SGSH: variants seen among roughly 807,000 people sequenced by gnomAD.
SGSH encodes N-sulfoglucosamine sulfohydrolase, also known as heparan sulfate sulfatase.
SGSH carries 48 observed loss-of-function variants against 51.0 expected under a neutral mutation model. The observed-to-expected ratio is 0.94, with a 90% CI of 0.75 to 1.20. The LOEUF (loss-of-function observed/expected upper bound fraction) is 1.20, where lower values mean the gene tolerates loss of function less well. SGSH is among the 50% of genes most tolerant of loss of function. The pLI is 0.00. For synonymous variants in SGSH, 321 were observed against 313.4 expected, an observed-to-expected ratio of 1.02 and a Z score of -0.26; for missense variants, 662 against 717.8, an observed-to-expected ratio of 0.92 and a Z score of 0.89.
In SGSH at chr17:80,213,699, A is replaced by G; in HGVS notation, c.745+105T>C. 1 of 1,019,296 alleles carries G rather than the reference A, an allele frequency of 9.8e-7. No individual in the cohort carries two copies. Among genetic ancestry groups the G allele is most frequent in the Non-Finnish European group, 1.5e-6 (1 of 678,588 alleles). The allele number at this position is 1,019,296 out of a possible 1,614,324, so 63.1% of individuals were successfully genotyped here. On this transcript the variant is annotated intron_variant, in intron 6 of 7. Transcript: ENST00000326317. The surrounding 1 kb of genome is among the most constrained non-coding windows in gnomAD (Gnocchi z 4.6). The stretch of plus-strand genomic sequence containing the variant: ...CCAGCTGCAGCACAGGGCCTGCCAC[A>G]CTGGGACCCTCACCCACATTATGCC...
At chr17:80,215,588 A>G (rs1026997952) in intron 2 of SGSH, among the ~76,000 whole-genome samples, 2 of 152,198 alleles carry the variant, frequency 1.3e-5, no homozygotes, top group Non-Finnish European at 2.9e-5. Context: ...TGGGAGGCCA[A>G]CGCAGGTGGA....
At chr17:80,201,455 TTTTC>T in the SGSH span, 1 of 408,014 alleles carries the variant, frequency 2.5e-6, no homozygotes, top group Non-Finnish European at 4.5e-6. This position sits in a 1 kb window ranked among gnomAD's most constrained non-coding sequence, Gnocchi z 5.0. Flanking sequence ...TTTTCTTTTC[TTTTC>T]TTTTTCAAGA....
downstream of SGSH, chr17:80,202,739 T>A: frequency 1.8e-6 from 1 of 542,718 alleles, no homozygotes; most frequent in Non-Finnish European, 2.7e-6. Flanking sequence ...CTGCAGGATA[T>A]AGAGCAGCAT....
At chr17:80,204,260 A>T (rs754681974), downstream of SGSH, 9 of 1,598,344 alleles carry the variant, frequency 5.6e-6, no homozygotes, top group African/African-American at 1.3e-5. Flanking sequence ...GCTGGTCCGC[A>T]TCGTCAGTAT....
chr17:80,220,162 G>A lies in SGSH; in HGVS notation c.88+64C>T, dbSNP rs1312287552. On this transcript the variant is annotated intron_variant, in intron 1 of 7. Transcript: ENST00000326317. ...GTCAGCATTGACCACGGGTGGGGAG[G>A]AGGCCAGTGGCCACTTCCCCGGGCC... The A allele has an allele frequency of 5.7e-6, 7 of 1,230,516 alleles. No homozygotes were observed. The East Asian group carries it at 1.6e-4, about 29-fold the overall frequency. The allele number at this position is 1,230,516 out of a possible 1,614,324, so 76.2% of individuals were successfully genotyped here.
downstream of SGSH, chr17:80,201,970 C>T: frequency 1.4e-6 from 2 of 1,456,134 alleles, no homozygotes; most frequent in South Asian, 2.7e-5. The surrounding 1 kb of genome is among the most constrained non-coding windows in gnomAD (Gnocchi z 5.0). Context: ...CCAGGGACCC[C>T]CAGAGCCAAG....
At chr17:80,206,936 A>T (rs1360360481), downstream of SGSH, 3 of 1,532,032 alleles carry the variant, frequency 2.0e-6, no homozygotes, top group Admixed American at 5.1e-5. Context: ...GAGGCCTGTG[A>T]TCTTGACTCA....
chr17:80,205,186 G>A (rs1464600126), downstream of SGSH: 1 of 1,613,128 alleles, frequency 6.2e-7, no homozygotes, highest in Admixed American at 1.7e-5. Flanking sequence ...TCCTCCAAGG[G>A]TTTAAGAAGT....
intron 5 of SGSH, 34 bp downstream of exon 5, chr17:80,214,138 C>T (rs781436148): frequency 1.7e-5 from 27 of 1,587,608 alleles, no homozygotes; most frequent in African/African-American, 1.3e-4. Context: ...CCAGGGCTGA[C>T]GGGCGTCCTG....
At chr17:80,214,906 T>C in intron 3 of SGSH, 127 bp downstream of exon 3, 1 of 1,307,228 alleles carries the variant, frequency 7.6e-7, no homozygotes, top group Non-Finnish European at 1.1e-6. Flanking sequence ...CCCAGATCCT[T>C]TGGGACAAGA....
downstream of SGSH, chr17:80,208,562 A>C: frequency 2.0e-6 from 1 of 496,820 alleles, no homozygotes; most frequent in Non-Finnish European, 3.5e-6. Context: ...AAACATCTTC[A>C]CCCTTTACCA....
chr17:80,217,724 G>A (rs1567929472), intron 1 of SGSH, among the ~76,000 whole-genome samples: 1 of 152,044 alleles, frequency 6.6e-6, no homozygotes, highest in Non-Finnish European at 1.5e-5. Flanking sequence ...ACCCAGGCAG[G>A]CCTGATACCA....
chr17:80,209,247 T>C, downstream of SGSH: 1 of 895,262 alleles, frequency 1.1e-6, no homozygotes, highest in Non-Finnish European at 1.3e-6. Context: ...AGGAAGCTGT[T>C]CTAGAATTCA....
At chr17:80,207,995 G>T (rs1395974944), downstream of SGSH, 1 of 564,302 alleles carries the variant, frequency 1.8e-6, no homozygotes, top group East Asian at 2.9e-5. Flanking sequence ...TGGGGCCTGG[G>T]GCCTATTTTC....
At chr17:80,202,369 C>G (rs772887668), downstream of SGSH, 1 of 1,613,406 alleles carries the variant, frequency 6.2e-7, no homozygotes, top group Non-Finnish European at 8.5e-7. Context: ...CGCGTGAACT[C>G]TTACACCATG....
intron 7 of SGSH, 191 bp from the exon 8 acceptor site, chr17:80,211,202 C>A: frequency 6.9e-7 from 1 of 1,446,362 alleles, no homozygotes; most frequent in East Asian, 2.5e-5. Context: ...AATGGTATAA[C>A]AAGAGGCCCT....
At chr17:80,209,161 C>T (rs2041519008), downstream of SGSH, 1 of 314,680 alleles carries the variant, frequency 3.2e-6, no homozygotes, top group African/African-American at 2.2e-5. Context: ...CCCAGGTCCG[C>T]CAGCACCTGG....
chr17:80,203,647 G>A, downstream of SGSH: 1 of 546,326 alleles, frequency 1.8e-6, no homozygotes, highest in Non-Finnish European at 3.3e-6. This position sits in a 1 kb window ranked among gnomAD's most constrained non-coding sequence, Gnocchi z 4.6. Context: ...TCTGGAGACT[G>A]GCATGGCCGC....
Position 80,214,732 on chromosome 17 carries a change from G to A in SGSH, c.389C>T (p.Thr130Ile), listed in dbSNP as rs1159005316. The A allele has an allele frequency of 1.9e-6, 3 of 1,612,822 alleles. No individual in the cohort carries two copies. The highest frequency in any genetic ancestry group is 2.5e-6 in the Non-Finnish European group (3 of 1,180,002). The change falls in exon 4 of 8, where the codon ACC becomes ATC. Residue 130 changes from threonine (T) to isoleucine (I), a missense_variant. Physicochemically the swap from Thr to Ile is moderately conservative, Grantham distance 89. Coordinates refer to ENST00000326317, the MANE Select transcript of SGSH (RefSeq NM_000199.5). ...IIGKKHVGPE[T>I]VYPFDFAYTE... ...GTACGCAAAGTCAAACGGGTACACG[G>A]TCTCCGGCCCCACGTGCTTCTTCCC... is the stretch of plus-strand genomic sequence containing the variant.
Sources: gnomAD v4.1 joint callset for allele counts (sites outside exome capture counted in the v4.1 genomes callset) on GRCh38, gnomAD v4.1.1 for gene constraint, Gnocchi (gnomAD v3.1) non-coding constraint, MANE v1.5 for transcripts, NCBI Gene and HGNC (gene_info 2026-07-23, HGNC 2026-07-21) for gene names.